ZEB2: variants seen among roughly 807,000 people sequenced by gnomAD.
ZEB2 encodes zinc finger E-box-binding homeobox 2.
A neutral mutation model predicts 99.9 loss-of-function variants in ZEB2; 6 were observed. The ratio of observed to expected loss-of-function variants is 0.06; its 90% confidence interval spans 0.03 to 0.12. ZEB2 has a LOEUF of 0.12. ZEB2 is among the 10% of genes least tolerant of loss of function. The pLI, the probability that ZEB2 is intolerant of heterozygous loss-of-function variation, is 1.00. For missense variants in ZEB2, 969 were observed against 1,502.8 expected, an observed-to-expected ratio of 0.64 and a Z score of 5.87; for synonymous variants, 517 against 542.5, an observed-to-expected ratio of 0.95 and a Z score of 0.65.
chr2:144,412,003 C>A (rs1703471457), intron 4 of ZEB2, among the ~76,000 whole-genome samples: 1 of 152,234 alleles, frequency 6.6e-6, no homozygotes, highest in Non-Finnish European at 1.5e-5. Context: ...GGCACGGTGG[C>A]TTACGCCTGT....
chr2:144,504,501 G>T (rs1234868610), intron 2 of ZEB2: 2 of 151,936 alleles, frequency 1.3e-5, no homozygotes, highest in African/African-American at 4.8e-5. Context: ...TCTCTACCCT[G>T]TGAGTTTCTG....
At chr2:144,433,948 C>T (rs113332986) in intron 2 of ZEB2, among the ~76,000 whole-genome samples, 430 of 152,266 alleles carry the variant, frequency 2.8e-3, no homozygotes, top group Non-Finnish European at 4.9e-3. Context: ...TTAAACATTG[C>T]TGATAATTAG....
At chr2:144,485,337 G>A (rs144487635) in intron 2 of ZEB2, among the ~76,000 whole-genome samples, 1 of 152,254 alleles carries the variant, frequency 6.6e-6, no homozygotes, top group East Asian at 1.9e-4. Context: ...ATAGGTAAAT[G>A]CTAATTAGTA....
intron 2 of ZEB2, among the ~76,000 whole-genome samples, chr2:144,457,317 A>G (rs1406730104): frequency 6.6e-6 from 1 of 152,168 alleles, no homozygotes; most frequent in Non-Finnish European, 1.5e-5. Context: ...CAGAAATTTT[A>G]ACTGACTTTT....
chr2:144,435,737 C>T (rs1209654346), intron 2 of ZEB2, among the ~76,000 whole-genome samples: 1 of 152,044 alleles, frequency 6.6e-6, no homozygotes, highest in Non-Finnish European at 1.5e-5. Context: ...TTTCTTACAA[C>T]GTCTTTACAT....
rs547434217 is a variant in ZEB2 at position 144,387,508 on chromosome 2, T to C, written c.*1943A>G. On this transcript the variant is annotated 3_prime_UTR_variant, in exon 10 of 10. Transcript: ENST00000627532. ...TTTTGTTAGCATTTGCTTTTAGCTT[T>C]TCCTCTCCCACCCACGCCTTCTAGT... 6.6e-6 allele frequency: 1 copy of C among 152,334 alleles called. No homozygotes were observed. Among genetic ancestry groups the C allele is most frequent in the Admixed American group, 6.5e-5 (1 of 15,296 alleles). The allele number at this position is 152,334 out of a possible 1,614,324, so 9.4% of individuals were successfully genotyped here. A position where few individuals can be genotyped will look rare whatever the true frequency, so the allele number is the denominator to read the frequency against.
chr2:144,462,611 A>T (rs2149904869), intron 2 of ZEB2: 1 of 152,320 alleles, frequency 6.6e-6, no homozygotes, highest in South Asian at 2.1e-4. Flanking sequence ...AAAATGAGCC[A>T]TCTAAACATT....
intron 2 of ZEB2, among the ~76,000 whole-genome samples, chr2:144,440,511 ATATATTTTTTTTTTTTTTTTTTTT>A (rs1286870591): frequency 6.6e-5 from 2 of 30,244 alleles, no homozygotes; most frequent in African/African-American, 2.7e-4. Context: ...ATATATATAT[ATATATTTTTTTTTTTTTTTTTTTT>A]TTTTTTTAAC....
intron 6 of ZEB2, 78 bp downstream of exon 6, chr2:144,403,838 T>C (rs1703345661): frequency 3.2e-6 from 5 of 1,571,162 alleles, no homozygotes; most frequent in South Asian, 2.2e-5. Context: ...GAAAAATTAA[T>C]AATGATTGCC....
rs1298733880 is a variant in ZEB2 at position 144,398,647 on chromosome 2, T to C, written c.2540A>G (p.Asn847Ser). The C allele has an allele frequency of 6.2e-7, 1 of 1,614,128 alleles. No homozygotes were observed. Among genetic ancestry groups the C allele is most frequent in the Non-Finnish European group, 8.5e-7 (1 of 1,180,014 alleles). The stretch of plus-strand genomic sequence containing the variant: ...GTTTTCAGATGAGGAAGAAACACTG[T>C]TATGATCTAAACTGATGCTACTAGC... ...TKASSISLDH[N>S]SVSSSSENSD... Residue 847 changes from asparagine to serine, a missense_variant, in exon 8 of 10, where the codon AAC becomes AGC. By Grantham distance (46) the Asn-to-Ser change is conservative. Coordinates refer to ENST00000627532, the MANE Select transcript of ZEB2 (RefSeq NM_014795.4).
At chr2:144,395,234 A>AAACTCTTGG (rs1413564484) in intron 9 of ZEB2, among the ~76,000 whole-genome samples, 1 of 152,024 alleles carries the variant, frequency 6.6e-6, no homozygotes, top group African/African-American at 2.4e-5. Context: ...CTTGGGCTCA[A>AAACTCTTGG]GCAGTCTTCC....
intron 2 of ZEB2, among the ~76,000 whole-genome samples, chr2:144,466,674 A>G (rs761732149): frequency 3.3e-5 from 5 of 152,240 alleles, no homozygotes; most frequent in Non-Finnish European, 7.3e-5. Flanking sequence ...TCAAAAATGT[A>G]CAGGACTATT....
At chr2:144,426,208 T>A (rs1703688756) in intron 3 of ZEB2, among the ~76,000 whole-genome samples, 1 of 152,168 alleles carries the variant, frequency 6.6e-6, no homozygotes, top group South Asian at 2.1e-4. Context: ...ATTTAAAAAA[T>A]ATTTTCAGAG....
At chr2:144,497,981 A>AAT (rs35863778) in intron 2 of ZEB2, among the ~76,000 whole-genome samples, 4,472 of 6,034 alleles carry the variant, frequency 0.74, 2,164 homozygotes, top group Non-Finnish European at 0.77. Flanking sequence ...TATATTATAT[A>AAT]ATATATTAAT....
intron 4 of ZEB2, among the ~76,000 whole-genome samples, chr2:144,419,847 G>A (rs1703596007): frequency 6.6e-6 from 1 of 151,894 alleles, no homozygotes; most frequent in Admixed American, 6.6e-5. Context: ...TATAAATCCA[G>A]GTTTGCACTG....
intron 3 of ZEB2, chr2:144,426,774 G>C (rs1285967166): frequency 1.3e-5 from 2 of 152,122 alleles, no homozygotes; most frequent in African/African-American, 2.4e-5. Context: ...TACCTAGAAA[G>C]TACTTTGCTT....
chr2:144,480,984 C>T (rs1704503015), intron 2 of ZEB2, among the ~76,000 whole-genome samples: 1 of 151,846 alleles, frequency 6.6e-6, no homozygotes, highest in South Asian at 2.1e-4. Flanking sequence ...CTGTTTTTTT[C>T]TAATAATTAT....
chr2:144,489,063 TGCTA>T (rs1450864820), intron 2 of ZEB2, among the ~76,000 whole-genome samples: 1 of 152,206 alleles, frequency 6.6e-6, no homozygotes, highest in Non-Finnish European at 1.5e-5. Flanking sequence ...ACTCTATTAT[TGCTA>T]ACTATGGGTG....
intron 4 of ZEB2, among the ~76,000 whole-genome samples, chr2:144,420,132 T>C (rs1703600162): frequency 6.6e-6 from 1 of 152,242 alleles, no homozygotes. Flanking sequence ...ATATCTGCCA[T>C]GTGTGCTCCC....
Sources: gnomAD v4.1 joint callset for allele counts (sites outside exome capture counted in the v4.1 genomes callset) on GRCh38, gnomAD v4.1.1 for gene constraint, MANE v1.5 for transcripts, NCBI Gene and HGNC (gene_info 2026-07-23, HGNC 2026-07-21) for gene names.